ST6GAL2: variants seen among roughly 807,000 people sequenced by gnomAD.
ST6GAL2 encodes ST6 beta-galactoside alpha-2,6-sialyltransferase 2, also known as beta-galactoside alpha-2,6-sialyltransferase 2.
Under a neutral mutation model 37.5 loss-of-function variants are expected in ST6GAL2, and 24 were observed. The ratio of observed to expected loss-of-function variants is 0.64; its 90% CI spans 0.46 to 0.90. ST6GAL2 has a LOEUF of 0.90. Among genes scored for constraint, ST6GAL2 ranks in the 40% least tolerant of loss-of-function variants. The pLI is 0.00. For synonymous variants in ST6GAL2, 306 were observed against 295.1 expected (o/e 1.04, Z -0.38); for missense variants, 715 against 712.7 (o/e 1.00, Z -0.04).
intron 1 of ST6GAL2, among the ~76,000 whole-genome samples, chr2:106,861,628 C>CT (rs1241704678): frequency 6.6e-6 from 1 of 150,694 alleles, no homozygotes; most frequent in South Asian, 2.1e-4. Context: ...TCTTTTTTTT[C>CT]TTTTTTTCTT....
At chr2:106,878,056 C>T (rs1331528841) in intron 1 of ST6GAL2, among the ~76,000 whole-genome samples, 3 of 152,336 alleles carry the variant, frequency 2.0e-5, no homozygotes, top group African/African-American at 2.4e-5. Context: ...TCTGTACGCC[C>T]GTCACAGTTA....
chr2:106,813,934 G>A (rs1382982912), intron 5 of ST6GAL2, among the ~76,000 whole-genome samples: 1 of 152,196 alleles, frequency 6.6e-6, no homozygotes, highest in Admixed American at 6.5e-5. Flanking sequence ...GAGCTGTTTT[G>A]TGGTTTCTCC....
chr2:106,853,613 T>C (rs1677461391), intron 1 of ST6GAL2, among the ~76,000 whole-genome samples: 1 of 152,208 alleles, frequency 6.6e-6, no homozygotes, highest in Admixed American at 6.5e-5. Context: ...ATGTGTATGC[T>C]GGACAGACTC....
intron 3 of ST6GAL2, 150 bp downstream of exon 3, chr2:106,833,899 T>C: frequency 2.1e-6 from 1 of 483,232 alleles, no homozygotes; most frequent in Non-Finnish European, 3.6e-6. Flanking sequence ...TTAATTTCTA[T>C]TAATTATAAG....
intron 1 of ST6GAL2, among the ~76,000 whole-genome samples, chr2:106,854,584 A>C (rs1046725992): frequency 2.6e-5 from 4 of 152,180 alleles, no homozygotes; most frequent in African/African-American, 9.6e-5. Flanking sequence ...TATATGTATT[A>C]TAATACACCA....
In ST6GAL2 at chr2:106,829,052, C is replaced by T. The variant is rs140115392; in HGVS notation, c.1318+1014G>A. On this transcript the variant is annotated intron_variant, in intron 5 of 5. Transcript: ENST00000409382. ...CTGGAACTAGTCTCATCAAAGCCCG[C>T]ACCTACTCATAATCTTGAAACACAA... Among the ~76,000 whole-genome samples, 21 of 152,322 alleles carry T rather than the reference C, an allele frequency of 1.4e-4. 1 individual carries two copies. Among genetic ancestry groups the T allele is most frequent in the Non-Finnish European group, 4.4e-5 (3 of 68,032 alleles).
At chr2:106,823,476 CACACACACACAG>C (rs1158726401) in intron 5 of ST6GAL2, among the ~76,000 whole-genome samples, 11 of 90,016 alleles carry the variant, frequency 1.2e-4, no homozygotes, top group African/African-American at 2.6e-4. Context: ...CACACACACA[CACACACACACAG>C]AGAGAGAGAG....
intron 4 of ST6GAL2, among the ~76,000 whole-genome samples, chr2:106,831,957 A>G (rs946851972): frequency 6.6e-6 from 1 of 152,258 alleles, no homozygotes; most frequent in Non-Finnish European, 1.5e-5. Context: ...AGGTTTCACC[A>G]AAAGTAGCTG....
chr2:106,830,096 G>T lies in ST6GAL2; in HGVS notation c.1288C>A (p.Gln430Lys), dbSNP rs1159334068. Residue 430 changes from glutamine to lysine, a missense_variant, in exon 5 of 6, where the codon CAA (glutamine) becomes AAA (lysine). Gln to Lys is a moderately conservative substitution (Grantham distance 53, BLOSUM62 1). This residue lies in a region of ST6GAL2 where 198 missense variants were observed against 203.6 expected (regional missense o/e 0.97). Transcript: ENST00000409382. ...IIQENTKEKI[Q>K]PNPPSSGFIG... ...AAACCAGAAGATGGTGGGTTTGGTTGAATCTTCTCTTTAGTGTTCTCCTGG... is the reference window on the plus strand; with the variant it reads ...AAACCAGAAGATGGTGGGTTTGGTTTAATCTTCTCTTTAGTGTTCTCCTGG... The T allele has an allele frequency of 6.2e-6, 10 of 1,613,920 alleles. No individual in the cohort carries two copies. Among genetic ancestry groups the T allele is most frequent in the Non-Finnish European group, 8.5e-6 (10 of 1,179,998 alleles).
rs181982342 is a variant in ST6GAL2 at position 106,807,020 on chromosome 2, G to A, written c.1319-71C>T. On this transcript the variant is annotated intron_variant, in intron 5 of 5. Coordinates refer to ENST00000409382, the MANE Select transcript of ST6GAL2 (RefSeq NM_001142351.2). The stretch of plus-strand genomic sequence containing the variant: ...GAGAGGGATGAGTTTTTTGGGGGAG[G>A]GGTGGTGGTGATGGGATATGACTGT... 1.2e-5 allele frequency: 16 copies of A among 1,358,326 alleles called. No homozygotes were observed. The East Asian group carries it at 3.9e-4, about 33-fold the overall frequency. The allele number at this position is 1,358,326 out of a possible 1,614,324, so 84.1% of individuals were successfully genotyped here.
chr2:106,865,164 C>T (rs1038549866), intron 1 of ST6GAL2, among the ~76,000 whole-genome samples: 7 of 152,102 alleles, frequency 4.6e-5, no homozygotes, highest in African/African-American at 1.7e-4. Context: ...ATAAAAGAAT[C>T]AGAAAGTGAT....
Position 106,806,561 on chromosome 2 carries a change from A to G in ST6GAL2, c.*117T>C. ...GAGAAGGATTATCATGACCACCACT[A>G]AATTACTGTTTAAAGACTCAAAACT... On this transcript the variant is annotated 3_prime_UTR_variant, in exon 6 of 6. Coordinates refer to ENST00000409382, the MANE Select transcript of ST6GAL2 (RefSeq NM_001142351.2). The G allele has an allele frequency of 8.8e-7, 1 of 1,141,204 alleles. No individual in the cohort carries two copies. The highest frequency in any genetic ancestry group is 2.3e-5 in the Admixed American group (1 of 43,944). The allele number at this position is 1,141,204 out of a possible 1,614,324, so 70.7% of individuals were successfully genotyped here. A position where few individuals can be genotyped will look rare whatever the true frequency, so the allele number is the denominator to read the frequency against.
rs776349747 is a variant in ST6GAL2 at position 106,801,905 on chromosome 2, A to G, written c.*4773T>C. 1 of 152,232 alleles carries G rather than the reference A, an allele frequency of 6.6e-6. No individual in the cohort carries two copies. The highest frequency in any genetic ancestry group is 1.5e-5 in the Non-Finnish European group (1 of 68,038). The allele number at this position is 152,232 out of a possible 1,614,324, so 9.4% of individuals were successfully genotyped here. A position where few individuals can be genotyped will look rare whatever the true frequency, so the allele number is the denominator to read the frequency against. On this transcript the variant is annotated 3_prime_UTR_variant, in exon 6 of 6. Coordinates refer to ENST00000409382, the MANE Select transcript of ST6GAL2 (RefSeq NM_001142351.2). ...TTTGTTATAAATGTTAGATTTTAACACCACCAATGCAATTTCTTTGTTTCC... is the reference window on the plus strand; with the variant it reads ...TTTGTTATAAATGTTAGATTTTAACGCCACCAATGCAATTTCTTTGTTTCC...
At chr2:106,855,281 T>C (rs554705082) in intron 1 of ST6GAL2, among the ~76,000 whole-genome samples, 1 of 152,336 alleles carries the variant, frequency 6.6e-6, no homozygotes, top group Non-Finnish European at 1.5e-5. Context: ...GGGGCACCCA[T>C]TCAGAGGACT....
intron 5 of ST6GAL2, among the ~76,000 whole-genome samples, chr2:106,826,967 C>A (rs995404729): frequency 6.6e-6 from 1 of 152,156 alleles, no homozygotes; most frequent in Non-Finnish European, 1.5e-5. Flanking sequence ...TGATCTTTTG[C>A]GATGGTGACC....
At chr2:106,845,334 A>G (rs1329042485) in intron 1 of ST6GAL2, among the ~76,000 whole-genome samples, 1 of 152,204 alleles carries the variant, frequency 6.6e-6, no homozygotes, top group African/African-American at 2.4e-5. Context: ...TTCTGAGAGC[A>G]AAGGAGTTAT....
intron 5 of ST6GAL2, among the ~76,000 whole-genome samples, chr2:106,809,901 C>T (rs934265411): frequency 4.6e-5 from 7 of 152,190 alleles, no homozygotes; most frequent in Admixed American, 3.3e-4. Context: ...CAGTAACACA[C>T]GTTCCTGGAC....
intron 5 of ST6GAL2, among the ~76,000 whole-genome samples, chr2:106,816,929 G>C (rs899939868): frequency 1.3e-5 from 2 of 152,168 alleles, no homozygotes; most frequent in African/African-American, 4.8e-5. Flanking sequence ...TGCAGTGACT[G>C]GGAGACTTTG....
chr2:106,830,194 T>C lies in ST6GAL2; in HGVS notation c.1190A>G (p.His397Arg), dbSNP rs761970876. ...TGGCTGATTTGGGTTTCTCTGACGA[T>C]GCTGAATATATGGAGTGAACAGGTT... is the stretch of plus-strand genomic sequence containing the variant. ...DYNLFTPYIQ[H>R]RQRNPNQPFY... is the part of the protein sequence containing the mutation. The change falls in exon 5 of 6, where the codon CAT (histidine) becomes CGT (arginine). Residue 397 changes from histidine (H) to arginine (R), a missense_variant. His to Arg is a conservative substitution (Grantham distance 29). Coordinates refer to ENST00000409382, the MANE Select transcript of ST6GAL2 (RefSeq NM_001142351.2). 4.3e-6 allele frequency: 7 copies of C among 1,613,652 alleles called. No individual in the cohort carries two copies. The African/African-American group carries it at 8.0e-5, about 18-fold the overall frequency.
Sources: gnomAD v4.1 joint callset for allele counts (sites outside exome capture counted in the v4.1 genomes callset) on GRCh38, gnomAD v4.1.1 for gene constraint, gnomAD v4.1.1 regional missense constraint, MANE v1.5 for transcripts, NCBI Gene and HGNC (gene_info 2026-07-23, HGNC 2026-07-21) for gene names.